Variants in RTN4R observed in about 807,000 individuals in gnomAD.
RTN4R encodes reticulon-4 receptor.
A neutral mutation model predicts 27.7 loss-of-function variants in RTN4R; 4 were observed. The observed-to-expected ratio is 0.14, with a 90% CI of 0.07 to 0.33. The LOEUF is 0.33. RTN4R is among the 10% of genes least tolerant of loss of function. RTN4R has a pLI of 1.00. For missense variants in RTN4R, 554 were observed against 671.5 expected (o/e 0.83, Z 1.93); for synonymous variants, 290 against 305.6 (o/e 0.95, Z 0.53).
chr22:20,241,612 G>A lies in RTN4R; in HGVS notation c.*99C>T. The A allele has an allele frequency of 7.3e-7, 1 of 1,370,456 alleles. No homozygotes were observed. 84.9% of individuals were successfully genotyped at this position (1,370,456 alleles called of 1,614,324 possible). A position where few individuals can be genotyped will look rare whatever the true frequency, so the allele number is the denominator to read the frequency against. Reference sequence around the variant, plus strand: ...CATCAGGGAGGACCTGGCCTGGCCTGCCCCACGGGTCGGCCGCCCGGCTGG... The same window carrying A: ...CATCAGGGAGGACCTGGCCTGGCCTACCCCACGGGTCGGCCGCCCGGCTGG... On this transcript the variant is annotated 3_prime_UTR_variant, in exon 2 of 2. Coordinates refer to ENST00000043402, the MANE Select transcript of RTN4R (RefSeq NM_023004.6).
At position 20,265,079 on chromosome 22, in the gene RTN4R, G is replaced by C. The variant is rs1454345530; in HGVS notation, c.22+2992C>G. Among the ~76,000 whole-genome samples the C allele has an allele frequency of 2.6e-5, 4 of 152,210 alleles. No individual in the cohort carries two copies. The East Asian group carries it at 7.7e-4, about 29-fold the overall frequency. ...GGCCACAGGCCCAGGACAGCAGGAG[G>C]GCTCCTCTGCCTCCCGCCCGTCCTG... On this transcript the variant is annotated intron_variant, in intron 1 of 1. Transcript: ENST00000043402.
chr22:20,257,193 G>A (rs1476558083), intron 1 of RTN4R, among the ~76,000 whole-genome samples: 4 of 152,244 alleles, frequency 2.6e-5, no homozygotes, highest in East Asian at 1.9e-4. Context: ...ATGAGGCAAC[G>A]GATGTTCCTG....
rs930145807 is a variant in RTN4R at position 20,242,650 on chromosome 22, C to A, written c.483G>T (p.Leu161=). Residue 161 remains leucine (L), a synonymous_variant, in exon 2 of 2, where the codon CTG becomes CTT. Transcript: ENST00000043402. ...GCAGTGCCTGCAGCGCGTTGTCCTG[C>A]AGGTAGAGGTACTGCAGGGCAGCCA... The part of the protein sequence containing the change: ...RGLAALQYLY[L]QDNALQALPD... 4.3e-6 allele frequency: 7 copies of A among 1,612,414 alleles called. No homozygotes were observed. Among genetic ancestry groups the A allele is most frequent in the Admixed American group, 3.3e-5 (2 of 59,976 alleles).
chr22:20,261,565 C>T (rs940067237), intron 1 of RTN4R, among the ~76,000 whole-genome samples: 1 of 152,198 alleles, frequency 6.6e-6, no homozygotes, highest in African/African-American at 2.4e-5. Context: ...ACAGAGCAAC[C>T]CTTGTGCAGC....
At position 20,268,271 on chromosome 22, in the gene RTN4R, CG is replaced by C. The variant is rs2145989360; in HGVS notation, c.-180del. On this transcript the variant is annotated 5_prime_UTR_variant, in exon 1 of 2. Transcript: ENST00000043402. ...TCTGGCTGGGCTCGGGCCGCGGGTG[CG>C]CAGGGCGCGCAGGGCGCACAGGGCG... 2.0e-5 allele frequency: 3 copies of C among 149,900 alleles called. No individual in the cohort carries two copies. Among genetic ancestry groups the C allele is most frequent in the African/African-American group, 4.9e-5 (2 of 40,428 alleles). 9.3% of individuals were successfully genotyped at this position (149,900 alleles called of 1,614,324 possible).
chr22:20,241,862 C>A lies in RTN4R; in HGVS notation c.1271G>T (p.Arg424Leu), dbSNP rs749770658. The change falls in exon 2 of 2, where the codon CGC becomes CTC. Residue 424 changes from arginine to leucine, a missense_variant. Arg to Leu is a moderately radical substitution (Grantham distance 102, BLOSUM62 -2). This residue lies in a region of RTN4R where 141 missense variants were observed against 129.2 expected (regional missense o/e 1.09). Coordinates refer to ENST00000043402, the MANE Select transcript of RTN4R (RefSeq NM_023004.6). Reference protein sequence around the residue: ...RRRPGCSRKNRTRSHCRLGQA... With the variant: ...RRRPGCSRKNLTRSHCRLGQA... ...GCCCAGACGGCAGTGGCTGCGGGTG[C>A]GGTTCTTGCGTGAACAGCCTGGCCT... 6 of 1,609,256 alleles carry A rather than the reference C, an allele frequency of 3.7e-6. No individual in the cohort carries two copies. Among genetic ancestry groups the A allele is most frequent in the Non-Finnish European group, 3.4e-6 (4 of 1,178,700 alleles).
rs755258043 is a variant in RTN4R, at chr22:20,242,334, G to A, written c.799C>T (p.Arg267Trp). The change falls in exon 2 of 2, where the codon CGG becomes TGG. Residue 267 changes from arginine (R) to tryptophan (W), a missense_variant. Physicochemically the swap from Arg to Trp is moderately radical, Grantham distance 101. Around this residue, in one of 2 missense-constraint regions of RTN4R, gnomAD observed 413 missense variants for 542.3 expected, o/e 0.76. Coordinates refer to ENST00000043402, the MANE Select transcript of RTN4R (RefSeq NM_023004.6). ...AGCCAGGCCCAGAGTGGGCGTGCCC[G>A]GCAGTCACACACCCAGGGGTTGTCG... ...LNDNPWVCDCRARPLWAWLQK... is the reference protein window; with the variant it reads ...LNDNPWVCDCWARPLWAWLQK... 13 of 1,611,306 alleles carry A rather than the reference G, an allele frequency of 8.1e-6. No individual in the cohort carries two copies. Among genetic ancestry groups the A allele is most frequent in the East Asian group, 2.2e-5 (1 of 44,852 alleles).
intron 1 of RTN4R, among the ~76,000 whole-genome samples, chr22:20,258,314 C>T (rs2051224069): frequency 6.6e-6 from 1 of 152,154 alleles, no homozygotes; most frequent in Non-Finnish European, 1.5e-5. Context: ...GCTCTTCTCC[C>T]CCAGCCCCAC....
At position 20,241,576 on chromosome 22, in the gene RTN4R, C is replaced by T. The variant is rs988432143; in HGVS notation, c.*135G>A. On this transcript the variant is annotated 3_prime_UTR_variant, in exon 2 of 2. Coordinates refer to ENST00000043402, the MANE Select transcript of RTN4R (RefSeq NM_023004.6). ...ATGGGGTGGAGATGGGGGTGGCGGG[C>T]GGCAGGCGTCCATCAGGGAGGACCT... 46 of 913,560 alleles carry T rather than the reference C, an allele frequency of 5.0e-5. No individual in the cohort carries two copies. Among genetic ancestry groups the T allele is most frequent in the African/African-American group, 1.7e-4 (10 of 60,588 alleles). 56.6% of individuals were successfully genotyped at this position (913,560 alleles called of 1,614,324 possible). A position where few individuals can be genotyped will look rare whatever the true frequency, so the allele number is the denominator to read the frequency against.
Position 20,242,093 on chromosome 22 carries a change from A to C in RTN4R, c.1040T>G (p.Leu347Arg), listed in dbSNP as rs1012669939. The change falls in exon 2 of 2, where the codon CTG (leucine) becomes CGG (arginine). Residue 347 changes from leucine (L) to arginine (R), a missense_variant. Leu to Arg is a moderately radical substitution (Grantham distance 102, BLOSUM62 -2). Around this residue, in one of 2 missense-constraint regions of RTN4R, gnomAD observed 413 missense variants for 542.3 expected, o/e 0.76. Transcript: ENST00000043402. The stretch of plus-strand genomic sequence containing the variant: ...TGCCGAAGCTGGTCTTCCAGGCTCC[A>C]GTACTGAGGCCTTGTCAGCGGCATC... ...QPDAADKASV[L>R]EPGRPASAGN... The C allele has an allele frequency of 3.8e-5, 61 of 1,612,162 alleles. No homozygotes were observed. Among genetic ancestry groups the C allele is most frequent in the Non-Finnish European group, 4.5e-5 (53 of 1,179,542 alleles).
At chr22:20,249,850 G>T (rs777362397) in intron 1 of RTN4R, among the ~76,000 whole-genome samples, 1 of 152,232 alleles carries the variant, frequency 6.6e-6, no homozygotes, top group African/African-American at 2.4e-5. Flanking sequence ...GAAAAGACAC[G>T]TGTGGGTCCT....
rs753044567 is a variant in RTN4R at position 20,242,854 on chromosome 22, C to T, written c.279G>A (p.Leu93=). ...TGAAGGCAGCCGCATCAATTCGGGCCAGCACATTCGAGTGCAGCCACAGGA... is the reference window on the plus strand; with the variant it reads ...TGAAGGCAGCCGCATCAATTCGGGCTAGCACATTCGAGTGCAGCCACAGGA... ...LTILWLHSNV[L]ARIDAAAFTG... The change falls in exon 2 of 2, where the codon CTG becomes CTA. Residue 93 remains leucine (L), a synonymous_variant. Transcript: ENST00000043402. The T allele has an allele frequency of 1.9e-6, 3 of 1,613,086 alleles. No homozygotes were observed. The highest frequency in any genetic ancestry group is 2.5e-6 in the Non-Finnish European group (3 of 1,179,940).
intron 1 of RTN4R, among the ~76,000 whole-genome samples, chr22:20,253,668 G>T (rs2051196896): frequency 6.6e-6 from 1 of 152,170 alleles, no homozygotes; most frequent in Non-Finnish European, 1.5e-5. Context: ...AAAAGAGGGA[G>T]AATGATGCTA....
chr22:20,247,176 C>G (rs1281951672), intron 1 of RTN4R, among the ~76,000 whole-genome samples: 2 of 152,088 alleles, frequency 1.3e-5, no homozygotes, highest in East Asian at 3.9e-4. Flanking sequence ...GCTGCTGCTT[C>G]CCAGGGCTGG....
chr22:20,267,625 G>A (rs1217045496), intron 1 of RTN4R: 1 of 469,182 alleles, frequency 2.1e-6, no homozygotes, highest in South Asian at 1.5e-5. Flanking sequence ...GAAACGGGAG[G>A]TTCTGAGCCC....
chr22:20,267,092 C>T (rs73153002), intron 1 of RTN4R, among the ~76,000 whole-genome samples: 2,266 of 152,348 alleles, frequency 0.015, 22 homozygotes, highest in Middle Eastern at 0.034. Flanking sequence ...CATGTGTGGC[C>T]GTGGGTGTGC....
At chr22:20,257,319 C>T (rs1265884186) in intron 1 of RTN4R, among the ~76,000 whole-genome samples, 5 of 152,224 alleles carry the variant, frequency 3.3e-5, no homozygotes, top group Non-Finnish European at 7.3e-5. Flanking sequence ...ATTCACGTGT[C>T]GAAGCCCTAA....
intron 1 of RTN4R, among the ~76,000 whole-genome samples, chr22:20,252,331 G>A (rs1904549064): frequency 6.6e-6 from 1 of 152,244 alleles, no homozygotes; most frequent in African/African-American, 2.4e-5. Context: ...AGAGGCCCTG[G>A]CCCAAGGATG....
In RTN4R at chr22:20,242,957, C is replaced by G. The variant is rs781625517; in HGVS notation, c.176G>C (p.Ser59Thr). The G allele has an allele frequency of 1.2e-6, 2 of 1,611,850 alleles. No individual in the cohort carries two copies. The highest frequency in any genetic ancestry group is 2.7e-5 in the African/African-American group (2 of 74,936). ...GTTGCCGTGCAGGAAGATGCGCTGG[C>G]TGGCAGCAGGGATGCCCACGGGCAC... The part of the protein sequence containing the change: ...QAVPVGIPAA[S>T]QRIFLHGNRI... The change falls in exon 2 of 2, where the codon AGC (serine) becomes ACC (threonine). Residue 59 changes from serine to threonine, a missense_variant. Ser to Thr is a moderately conservative substitution (Grantham distance 58). Coordinates refer to ENST00000043402, the MANE Select transcript of RTN4R (RefSeq NM_023004.6).
Sources: gnomAD v4.1 joint callset for allele counts (sites outside exome capture counted in the v4.1 genomes callset) on GRCh38, gnomAD v4.1.1 for gene constraint, gnomAD v4.1.1 regional missense constraint, MANE v1.5 for transcripts, NCBI Gene and HGNC (gene_info 2026-07-23, HGNC 2026-07-21) for gene names.